Variants in SLC25A26 observed in about 807,000 individuals in gnomAD.
SLC25A26 encodes the protein mitochondrial S-adenosylmethionine carrier protein.
In SLC25A26, 36 loss-of-function variants were observed where a neutral mutation model predicts 37.8. That is an observed-to-expected ratio of 0.95 (90% confidence interval 0.73 to 1.26). The LOEUF is 1.26. SLC25A26 is among the 50% of genes most tolerant of loss of function. The probability of loss-of-function intolerance (pLI) is 0.00; values close to 1 mark genes in which losing one functional copy is unlikely to be tolerated. For synonymous variants in SLC25A26, 129 were observed against 122.5 expected, an observed-to-expected ratio of 1.05 and a Z score of -0.35; for missense variants, 390 against 331.1, an observed-to-expected ratio of 1.18 and a Z score of -1.38.
At chr3:66,217,572 G>A (rs1171287902), upstream of SLC25A26, among the ~76,000 whole-genome samples, 4 of 150,784 alleles carry the variant, frequency 2.7e-5, no homozygotes, top group South Asian at 8.3e-4. Flanking sequence ...TTTTGAGATG[G>A]AGTCTTGCTC....
chr3:66,370,718 A>G (rs767670916), intron 9 of SLC25A26, 116 bp downstream of exon 9: 54 of 762,052 alleles, frequency 7.1e-5, no homozygotes, highest in African/African-American at 1.6e-4. Context: ...TTGAGTTTCT[A>G]TTTATTGTGC....
chr3:66,302,751 T>C (rs777850227), intron 5 of SLC25A26, among the ~76,000 whole-genome samples: 1 of 152,154 alleles, frequency 6.6e-6, no homozygotes, highest in East Asian at 1.9e-4. Flanking sequence ...AGATACAACT[T>C]GGTGAAAAGG....
chr3:66,320,238 G>A (rs1339918774), intron 5 of SLC25A26, among the ~76,000 whole-genome samples: 1 of 152,032 alleles, frequency 6.6e-6, no homozygotes, highest in South Asian at 2.1e-4. Flanking sequence ...TACAAACTCT[G>A]TAACCATTAA....
chr3:66,201,574 G>A (rs1386105692), intron 1 of SLC25A26, among the ~76,000 whole-genome samples: 5 of 152,180 alleles, frequency 3.3e-5, no homozygotes, highest in South Asian at 2.1e-4. Flanking sequence ...GGGCCCAATC[G>A]AGCTGTCCAC....
chr3:66,291,701 A>T (rs13062973), intron 5 of SLC25A26, among the ~76,000 whole-genome samples: 24,319 of 152,052 alleles, frequency 0.16, 2,367 homozygotes, highest in Non-Finnish European at 0.22. Context: ...ACATTTGCTG[A>T]GGAGTGTTTT....
At chr3:66,247,234 T>C (rs1439117447) in intron 3 of SLC25A26, among the ~76,000 whole-genome samples, 2 of 151,198 alleles carry the variant, frequency 1.3e-5, no homozygotes, top group African/African-American at 2.4e-5. Flanking sequence ...CATGAAATAC[T>C]TCTTGATGTT....
At chr3:66,214,182 G>C (rs2071327091) in intron 1 of SLC25A26, among the ~76,000 whole-genome samples, 2 of 152,092 alleles carry the variant, frequency 1.3e-5, no homozygotes, top group Middle Eastern at 3.4e-3. Flanking sequence ...CCACAGTAAT[G>C]AGTTCACATG....
chr3:66,222,266 C>T (rs2106877795), intron 1 of SLC25A26, among the ~76,000 whole-genome samples: 1 of 151,850 alleles, frequency 6.6e-6, no homozygotes, highest in Middle Eastern at 3.4e-3. Context: ...CTGCAGGCTC[C>T]ACCTCTCGGG....
chr3:66,224,304 T>C lies in SLC25A26; in HGVS notation c.33+3177T>C, dbSNP rs150896103. Among the ~76,000 whole-genome samples the C allele has an allele frequency of 5.1e-3, 779 of 152,330 alleles. 4 individuals carry two copies. The highest frequency in any genetic ancestry group is 0.017 in the East Asian group (89 of 5,182). On this transcript the variant is annotated intron_variant, in intron 1 of 9. Transcript: ENST00000354883. ...TAATTTATAAAGGAAAGAGTCTTAA[T>C]TGACTTACAGTTCCATTTGGCTGGG...
chr3:66,313,682 T>C (rs952635397), intron 5 of SLC25A26, among the ~76,000 whole-genome samples: 6 of 152,188 alleles, frequency 3.9e-5, no homozygotes, highest in African/African-American at 1.4e-4. Context: ...TTAATGGAAA[T>C]AGCATTGAAT....
intron 1 of SLC25A26, among the ~76,000 whole-genome samples, chr3:66,161,925 T>G (rs142138788): frequency 1.3e-5 from 2 of 152,258 alleles, no homozygotes; most frequent in Non-Finnish European, 2.9e-5. Context: ...AACGATGGTG[T>G]GAGAGTGTCA....
chr3:66,357,877 C>T (rs2076612759), intron 6 of SLC25A26, among the ~76,000 whole-genome samples: 1 of 152,144 alleles, frequency 6.6e-6, no homozygotes, highest in African/African-American at 2.4e-5. Flanking sequence ...CCTCAGTTTT[C>T]CCATTTACTA....
At chr3:66,242,532 T>C (rs563895259) in intron 2 of SLC25A26, among the ~76,000 whole-genome samples, 1 of 152,350 alleles carries the variant, frequency 6.6e-6, no homozygotes, top group African/African-American at 2.4e-5. Context: ...AGAAGATGAA[T>C]TTGTCATTCC....
At chr3:66,284,916 AAGGAT>A (rs2074459975) in intron 5 of SLC25A26, among the ~76,000 whole-genome samples, 1 of 152,004 alleles carries the variant, frequency 6.6e-6, no homozygotes, top group Non-Finnish European at 1.5e-5. Flanking sequence ...TTCAACATAA[AAGGAT>A]AGGAAAGAGT....
At chr3:66,319,926 T>C (rs1036374529) in intron 5 of SLC25A26, among the ~76,000 whole-genome samples, 1 of 151,878 alleles carries the variant, frequency 6.6e-6, no homozygotes, top group Non-Finnish European at 1.5e-5. Context: ...GCTAATTTTT[T>C]AGTAGAGACG....
intron 1 of SLC25A26, among the ~76,000 whole-genome samples, chr3:66,172,808 A>G (rs2070520588): frequency 6.6e-6 from 1 of 152,054 alleles, no homozygotes; most frequent in Non-Finnish European, 1.5e-5. Context: ...TCATGTTCAC[A>G]TGGTGCTCTT....
At chr3:66,150,456 C>A (rs1360711017) in intron 1 of SLC25A26, among the ~76,000 whole-genome samples, 1 of 145,410 alleles carries the variant, frequency 6.9e-6, no homozygotes, top group Non-Finnish European at 1.5e-5. Context: ...TGAGATTACC[C>A]CAGTGCACTC....
chr3:66,359,213 T>G (rs2076642983), intron 6 of SLC25A26, among the ~76,000 whole-genome samples: 1 of 152,198 alleles, frequency 6.6e-6, no homozygotes, highest in Non-Finnish European at 1.5e-5. Flanking sequence ...AACCAATTTT[T>G]TTCTCCCTAG....
Position 66,378,311 on chromosome 3 carries a change from A to G in SLC25A26, c.*504A>G, listed in dbSNP as rs1221542215. On this transcript the variant is annotated 3_prime_UTR_variant, in exon 10 of 10. Coordinates refer to ENST00000354883, the MANE Select transcript of SLC25A26 (RefSeq NM_001379210.1). ...TTGAAAAAGAAAGAAAGATTGAACT[A>G]CAGGTGCATAGCAAGCACTCTTTCT... 6.5e-6 allele frequency: 1 copy of G among 153,034 alleles called. No individual in the cohort carries two copies. Among genetic ancestry groups the G allele is most frequent in the Non-Finnish European group, 1.5e-5 (1 of 68,334 alleles). The allele number at this position is 153,034 out of a possible 1,614,324, so 9.5% of individuals were successfully genotyped here. A position where few individuals can be genotyped will look rare whatever the true frequency, so the allele number is the denominator to read the frequency against.
Sources: gnomAD v4.1 joint callset for allele counts (sites outside exome capture counted in the v4.1 genomes callset) on GRCh38, gnomAD v4.1.1 for gene constraint, MANE v1.5 for transcripts, NCBI Gene and HGNC (gene_info 2026-07-23, HGNC 2026-07-21) for gene names.